CERS3: variants seen among roughly 807,000 people sequenced by gnomAD.
The protein encoded by CERS3 is LAG1 homolog, ceramide synthase 3.
In CERS3, 33 loss-of-function variants were observed where a neutral mutation model predicts 50.3. The observed-to-expected ratio is 0.66, with a 90% CI of 0.50 to 0.88. The LOEUF (loss-of-function observed/expected upper bound fraction) is 0.88, where lower values mean the gene tolerates loss of function less well. Ranked by LOEUF, CERS3 falls within the 40% of genes least tolerant of loss-of-function variation. CERS3 has a pLI of 0.00. For missense variants in CERS3, 470 were observed against 460.3 expected (o/e 1.02, Z -0.19); for synonymous variants, 176 against 155.2 (o/e 1.13, Z -0.99).
At chr15:100,413,896 T>C (rs562147759) in intron 11 of CERS3, among the ~76,000 whole-genome samples, 5 of 151,412 alleles carry the variant, frequency 3.3e-5, no homozygotes, top group Non-Finnish European at 7.4e-5. Flanking sequence ...AGGAAGAAAC[T>C]GAAATCATAA....
intron 3 of CERS3, among the ~76,000 whole-genome samples, chr15:100,495,578 C>T (rs1391599256): frequency 2.0e-5 from 3 of 152,118 alleles, no homozygotes; most frequent in African/African-American, 7.2e-5. Context: ...ATTTGTATAT[C>T]TTATTTGATG....
Position 100,444,283 on chromosome 15 carries a change from C to T in CERS3, c.999+11610G>A, listed in dbSNP as rs574244994. On this transcript the variant is annotated intron_variant, in intron 11 of 11. Coordinates refer to ENST00000679737, the MANE Select transcript of CERS3 (RefSeq NM_001378789.1). ...CCTGACATATATACTTTCTGCTCCCCGGCTCCTTCAGCTGTACTCACTCTT... is the reference window on the plus strand; with the variant it reads ...CCTGACATATATACTTTCTGCTCCCTGGCTCCTTCAGCTGTACTCACTCTT... Among the ~76,000 whole-genome samples the T allele has an allele frequency of 2.3e-4, 35 of 152,270 alleles. No individual in the cohort carries two copies. In the South Asian group the frequency reaches 4.1e-3, roughly 18 times the overall value.
At chr15:100,417,130 A>C (rs191682428) in intron 11 of CERS3, among the ~76,000 whole-genome samples, 35 of 152,300 alleles carry the variant, frequency 2.3e-4, no homozygotes, top group African/African-American at 8.2e-4. Flanking sequence ...AGCGTGAGCG[A>C]CGCAGAAGAT....
Position 100,494,212 on chromosome 15 carries a change from T to C in CERS3, c.174-3281A>G, listed in dbSNP as rs1490601163. Among the ~76,000 whole-genome samples, 11 of 7,088 alleles carry C rather than the reference T, an allele frequency of 1.6e-3. No homozygotes were observed. In the East Asian group the frequency reaches 0.023, roughly 15 times the overall value. The allele number at this position is 7,088 out of a possible 152,430, so 4.7% of individuals were successfully genotyped here. On this transcript the variant is annotated intron_variant, in intron 3 of 11. Coordinates refer to ENST00000679737, the MANE Select transcript of CERS3 (RefSeq NM_001378789.1). ...TGCTTAGTCACCTTTTTTCTTTTCATATATATATATATATATATATATATA... is the reference window on the plus strand; with the variant it reads ...TGCTTAGTCACCTTTTTTCTTTTCACATATATATATATATATATATATATA...
intron 11 of CERS3, among the ~76,000 whole-genome samples, chr15:100,407,592 G>A (rs998631764): frequency 7.9e-5 from 12 of 152,174 alleles, no homozygotes; most frequent in African/African-American, 2.9e-4. Flanking sequence ...GATTGCAACT[G>A]CGTATATAAG....
chr15:100,446,031 GAAC>G (rs1369875271), intron 11 of CERS3, among the ~76,000 whole-genome samples: 2 of 151,690 alleles, frequency 1.3e-5, no homozygotes, highest in Non-Finnish European at 2.9e-5. Flanking sequence ...GCCCACTAGA[GAAC>G]AACCCCCCTT....
At chr15:100,455,596 T>G (rs2034341163) in intron 11 of CERS3, among the ~76,000 whole-genome samples, 1 of 152,250 alleles carries the variant, frequency 6.6e-6, no homozygotes, top group South Asian at 2.1e-4. Context: ...AGCAAAAGTT[T>G]AAAAATTTTC....
In CERS3 at chr15:100,487,996, C is replaced by T. The variant is rs1467015365; in HGVS notation, c.288+2821G>A. Reference sequence around the variant, plus strand: ...TAAGTTCCACTGTTACTACACGTTACCTATAGCACTATAATTGATCTGTTG... The same window carrying T: ...TAAGTTCCACTGTTACTACACGTTATCTATAGCACTATAATTGATCTGTTG... On this transcript the variant is annotated intron_variant, in intron 4 of 11. Coordinates refer to ENST00000679737, the MANE Select transcript of CERS3 (RefSeq NM_001378789.1). 3.3e-5 allele frequency among the ~76,000 whole-genome samples: 5 copies of T among 152,252 alleles called. No homozygotes were observed. The South Asian group carries it at 1.0e-3, about 32-fold the overall frequency.
At position 100,417,800 on chromosome 15, in the gene CERS3, G is replaced by A. The variant is rs1283815118; in HGVS notation, c.1000-14935C>T. On this transcript the variant is annotated intron_variant, in intron 11 of 11. Coordinates refer to ENST00000679737, the MANE Select transcript of CERS3 (RefSeq NM_001378789.1). Reference sequence around the variant, plus strand: ...TGACCCCTGGGCAGCCTAACTGAGAGGCACCCCCCAGCAAGGGCACACTGA... The same window carrying A: ...TGACCCCTGGGCAGCCTAACTGAGAAGCACCCCCCAGCAAGGGCACACTGA... Among the ~76,000 whole-genome samples, 117 of 151,870 alleles carry A rather than the reference G, an allele frequency of 7.7e-4. 3 individuals are homozygous for A. Among genetic ancestry groups the A allele is most frequent in the African/African-American group, 2.8e-3 (115 of 41,134 alleles).
At chr15:100,505,225 T>C (rs992125196) in intron 2 of CERS3, among the ~76,000 whole-genome samples, 21 of 152,224 alleles carry the variant, frequency 1.4e-4, no homozygotes, top group African/African-American at 5.1e-4. Context: ...ATCACTGTTA[T>C]ACAAAATAGC....
chr15:100,543,539 T>C (rs998138779), intron 1 of CERS3, among the ~76,000 whole-genome samples: 2 of 151,582 alleles, frequency 1.3e-5, no homozygotes, highest in African/African-American at 4.8e-5. Flanking sequence ...CTTTCTTTTT[T>C]TTTTTTTTAT....
At chr15:100,444,416 C>A (rs989328634) in intron 11 of CERS3, among the ~76,000 whole-genome samples, 1 of 152,096 alleles carries the variant, frequency 6.6e-6, no homozygotes, top group Non-Finnish European at 1.5e-5. Flanking sequence ...CTCTGATCCA[C>A]CTGACGTTCA....
At chr15:100,419,511 T>C (rs1199884981) in intron 11 of CERS3, among the ~76,000 whole-genome samples, 2 of 140,364 alleles carry the variant, frequency 1.4e-5, no homozygotes, top group Non-Finnish European at 3.1e-5. Flanking sequence ...CTGTCAACAT[T>C]AGACAGATCA....
intron 10 of CERS3, among the ~76,000 whole-genome samples, chr15:100,457,217 C>T (rs2034402848): frequency 6.6e-6 from 1 of 152,014 alleles, no homozygotes; most frequent in African/African-American, 2.4e-5. Context: ...GTAAAATTTA[C>T]TGTTTTTTGG....
intron 11 of CERS3, among the ~76,000 whole-genome samples, chr15:100,423,019 T>C (rs1175895488): frequency 6.7e-6 from 1 of 150,222 alleles, no homozygotes; most frequent in Non-Finnish European, 1.5e-5. Flanking sequence ...CACACCAGCA[T>C]GGCACATGTA....
intron 10 of CERS3, among the ~76,000 whole-genome samples, chr15:100,468,529 T>G (rs956029154): frequency 1.3e-4 from 20 of 152,206 alleles, no homozygotes; most frequent in African/African-American, 4.6e-4. Context: ...CACTTAAGAA[T>G]GAGGCCTGGA....
At chr15:100,488,671 G>A (rs943455565) in intron 4 of CERS3, among the ~76,000 whole-genome samples, 14 of 152,050 alleles carry the variant, frequency 9.2e-5, no homozygotes, top group Non-Finnish European at 1.5e-4. Context: ...TATACTATAC[G>A]AATACTGCCT....
chr15:100,535,439 G>T (rs2037047597), intron 1 of CERS3, among the ~76,000 whole-genome samples: 1 of 152,252 alleles, frequency 6.6e-6, no homozygotes, highest in African/African-American at 2.4e-5. Flanking sequence ...AATATAGCAT[G>T]ACTGCCAAAA....
intron 11 of CERS3, among the ~76,000 whole-genome samples, chr15:100,410,559 C>T (rs980754413): frequency 6.6e-6 from 1 of 152,184 alleles, no homozygotes; most frequent in Non-Finnish European, 1.5e-5. Context: ...AGACGAACTG[C>T]CTCACATTCC....
Sources: gnomAD v4.1 joint callset for allele counts (sites outside exome capture counted in the v4.1 genomes callset) on GRCh38, gnomAD v4.1.1 for gene constraint, MANE v1.5 for transcripts, NCBI Gene and HGNC (gene_info 2026-07-23, HGNC 2026-07-21) for gene names.